Variants in STX7 observed in about 807,000 individuals in gnomAD.
STX7 encodes the protein syntaxin-7.
STX7 carries 34 observed loss-of-function variants against 39.6 expected under a neutral mutation model. The observed-to-expected ratio is 0.86, with a 90% CI of 0.65 to 1.14. The LOEUF is 1.14. Ranked by LOEUF, STX7 falls within the 50% of genes most tolerant of loss-of-function variation. The pLI, the probability that STX7 is intolerant of heterozygous loss-of-function variation, is 0.00. For missense variants in STX7, 284 were observed against 310.4 expected, an observed-to-expected ratio of 0.92 and a Z score of 0.64; for synonymous variants, 119 against 99.1, an observed-to-expected ratio of 1.20 and a Z score of -1.19.
chr6:132,478,131 T>A (rs1346663276), intron 2 of STX7, among the ~76,000 whole-genome samples: 2 of 151,968 alleles, frequency 1.3e-5, no homozygotes, highest in African/African-American at 4.8e-5. Context: ...CCAAGACACG[T>A]GTATATCTAT....
chr6:132,488,782 AC>A (rs1775204578), intron 2 of STX7, among the ~76,000 whole-genome samples: 1 of 152,170 alleles, frequency 6.6e-6, no homozygotes, highest in Admixed American at 6.5e-5. Context: ...CATATAAGTG[AC>A]ATATTTAAAA....
At chr6:132,467,469 C>T (rs1054178556) in intron 8 of STX7, among the ~76,000 whole-genome samples, 2 of 152,122 alleles carry the variant, frequency 1.3e-5, no homozygotes, top group Non-Finnish European at 1.5e-5. Context: ...TCACCATTTA[C>T]TTGCTTTTCT....
rs1442584281 is a variant in STX7, at chr6:132,463,025, C to G, written c.693+968G>C. Among the ~76,000 whole-genome samples the G allele has an allele frequency of 4.6e-5, 7 of 152,082 alleles. No individual in the cohort carries two copies. In the East Asian group the frequency reaches 1.2e-3, roughly 25 times the overall value. ...TCGCTTGAGCCCAGGAGTTCCAGACCAGCCTGGGCAACACAGCAAAACTCT... is the reference window on the plus strand; with the variant it reads ...TCGCTTGAGCCCAGGAGTTCCAGACGAGCCTGGGCAACACAGCAAAACTCT... On this transcript the variant is annotated intron_variant, in intron 9 of 9. Coordinates refer to ENST00000367941, the MANE Select transcript of STX7 (RefSeq NM_003569.3).
In STX7 at chr6:132,471,933, G is replaced by A. The variant is rs559921130; in HGVS notation, c.250-333C>T. ...TAATAACTTCCATTAAATAAGCAGG[G>A]AAATAAATATGTGCCCCCAGGACAC... On this transcript the variant is annotated intron_variant, in intron 4 of 9. Transcript: ENST00000367941. 2.3e-4 allele frequency among the ~76,000 whole-genome samples: 35 copies of A among 152,256 alleles called. No individual in the cohort carries two copies. In the South Asian group the frequency reaches 5.6e-3, roughly 24 times the overall value.
rs1774228891 is a variant in STX7 at position 132,455,816 on chromosome 6, G to T, written c.*4942C>A. The T allele has an allele frequency of 6.6e-6, 1 of 152,212 alleles. No homozygotes were observed. The highest frequency in any genetic ancestry group is 6.5e-5 in the Admixed American group (1 of 15,298). 9.4% of individuals were successfully genotyped at this position (152,212 alleles called of 1,614,324 possible). A position where few individuals can be genotyped will look rare whatever the true frequency, so the allele number is the denominator to read the frequency against. ...GAATTAAAATTGGTGTATTGATATG[G>T]TATTTGAATAATGAGAAAATGGGCC... On this transcript the variant is annotated 3_prime_UTR_variant, in exon 10 of 10. Transcript: ENST00000367941.
At chr6:132,484,827 C>T (rs2114421292) in intron 2 of STX7, among the ~76,000 whole-genome samples, 1 of 152,224 alleles carries the variant, frequency 6.6e-6, no homozygotes, top group South Asian at 2.1e-4. Context: ...GGCAATTTAC[C>T]TAATGTCTCC....
In STX7 at chr6:132,485,213, A is replaced by G. The variant is rs142186790; in HGVS notation, c.86-9551T>C. Among the ~76,000 whole-genome samples, 333 of 152,236 alleles carry G rather than the reference A, an allele frequency of 2.2e-3. 4 individuals carry two copies. The highest frequency in any genetic ancestry group is 0.017 in the Admixed American group (266 of 15,290). ...TCCTTCCCCCCTCCATCACCAAGCAATCACTAATATGCTTTCTGTTGCTTT... is the reference window on the plus strand; with the variant it reads ...TCCTTCCCCCCTCCATCACCAAGCAGTCACTAATATGCTTTCTGTTGCTTT... On this transcript the variant is annotated intron_variant, in intron 2 of 9. Transcript: ENST00000367941.
chr6:132,509,463 A>T (rs879804187), intron 1 of STX7, among the ~76,000 whole-genome samples: 96 of 10,082 alleles, frequency 9.5e-3, no homozygotes, highest in East Asian at 0.05. Context: ...ATAACATAAC[A>T]TAACATAACA....
intron 8 of STX7, among the ~76,000 whole-genome samples, chr6:132,464,408 G>C (rs776691135): frequency 6.6e-6 from 1 of 152,142 alleles, no homozygotes; most frequent in Non-Finnish European, 1.5e-5. Context: ...AGATGTCTCA[G>C]TGTCAAACTC....
intron 2 of STX7, among the ~76,000 whole-genome samples, chr6:132,487,630 G>A (rs1775172327): frequency 1.3e-5 from 2 of 151,926 alleles, no homozygotes; most frequent in South Asian, 4.1e-4. Flanking sequence ...GTATCCCAGA[G>A]CTTAAAGTGA....
intron 1 of STX7, among the ~76,000 whole-genome samples, chr6:132,504,945 A>G (rs1445468576): frequency 6.6e-6 from 1 of 152,224 alleles, no homozygotes; most frequent in East Asian, 1.9e-4. Flanking sequence ...CACATGCAGT[A>G]TGGTATTTAC....
At chr6:132,469,871 C>CT in intron 7 of STX7, 80 bp downstream of exon 7, 2 of 1,201,094 alleles carry the variant, frequency 1.7e-6, no homozygotes, top group South Asian at 2.9e-5. Flanking sequence ...CTCATGCATT[C>CT]TCCCAGCATT....
In STX7 at chr6:132,503,432, A is replaced by G; in HGVS notation, c.85+14T>C. 6.2e-7 allele frequency: 1 copy of G among 1,610,406 alleles called. No homozygotes were observed. The highest frequency in any genetic ancestry group is 1.1e-5 in the South Asian group (1 of 90,958). On this transcript the variant is annotated intron_variant, in intron 2 of 9. Coordinates refer to ENST00000367941, the MANE Select transcript of STX7 (RefSeq NM_003569.3). ...TGGATACAAATAGTGAAGTCCATTT[A>G]AAACTCAACTCACAACACTGTGTGA...
intron 2 of STX7, among the ~76,000 whole-genome samples, chr6:132,489,287 G>T (rs2114435425): frequency 6.7e-6 from 1 of 149,106 alleles, no homozygotes; most frequent in South Asian, 2.1e-4. Flanking sequence ...AAAAGTACAA[G>T]ATGTTATTAC....
intron 8 of STX7, among the ~76,000 whole-genome samples, chr6:132,464,862 T>C (rs915631628): frequency 2.0e-5 from 3 of 152,114 alleles, no homozygotes; most frequent in African/African-American, 7.2e-5. Context: ...GTGGCAGTTT[T>C]TCTTCCCACC....
rs541475228 is a variant in STX7, at chr6:132,506,800, GA to G, written c.-58-3213del. 5.8e-3 allele frequency among the ~76,000 whole-genome samples: 846 copies of G among 144,698 alleles called. 8 individuals are homozygous for G. The highest frequency in any genetic ancestry group is 0.02 in the African/African-American group (801 of 39,490). 94.9% of individuals were successfully genotyped at this position (144,698 alleles called of 152,430 possible). ...CTCGTTACTGGGTATCTACCCAAAA[GA>G]AAAAAAAAACCATTATACCAAAAAG... is the stretch of plus-strand genomic sequence containing the variant. On this transcript the variant is annotated intron_variant, in intron 1 of 9. Coordinates refer to ENST00000367941, the MANE Select transcript of STX7 (RefSeq NM_003569.3).
intron 1 of STX7, among the ~76,000 whole-genome samples, chr6:132,507,835 T>C (rs1265407694): frequency 2.6e-5 from 4 of 152,250 alleles, no homozygotes; most frequent in African/African-American, 9.6e-5. Flanking sequence ...TTGTTATTCA[T>C]GTAATCTCTG....
intron 9 of STX7, among the ~76,000 whole-genome samples, chr6:132,461,561 C>T (rs969674976): frequency 1.1e-4 from 17 of 152,288 alleles, no homozygotes; most frequent in African/African-American, 3.8e-4. Flanking sequence ...CTGCCCACTT[C>T]GGCCTCCCAC....
In STX7 at chr6:132,504,208, T is replaced by G. The variant is rs1775643640; in HGVS notation, c.-58-620A>C. Among the ~76,000 whole-genome samples the G allele has an allele frequency of 2.0e-5, 3 of 152,186 alleles. No individual in the cohort carries two copies. In the South Asian group the frequency reaches 6.2e-4, roughly 32 times the overall value. ...CACACAGGACCTGCTCAGGAATGTA[T>G]GATTAATAGGGCTCTAATTTTAATG... On this transcript the variant is annotated intron_variant, in intron 1 of 9. Coordinates refer to ENST00000367941, the MANE Select transcript of STX7 (RefSeq NM_003569.3).
Sources: allele counts gnomAD v4.1 joint callset (sites outside exome capture counted in the v4.1 genomes callset), GRCh38; gene constraint gnomAD v4.1.1; transcripts MANE v1.5; gene names NCBI Gene and HGNC (gene_info 2026-07-23, HGNC 2026-07-21).